Variants in TLK1 observed in about 807,000 individuals in gnomAD.
TLK1 encodes serine/threonine-protein kinase tousled-like 1.
TLK1 carries 24 observed loss-of-function variants against 105.3 expected under a neutral mutation model. That is an observed-to-expected ratio of 0.23 (90% CI 0.17 to 0.32). The LOEUF (loss-of-function observed/expected upper bound fraction) is 0.32, where lower values mean the gene tolerates loss of function less well. TLK1 is among the 10% of genes least tolerant of loss of function. TLK1 has a pLI of 1.00. For synonymous variants in TLK1, 321 were observed against 310.4 expected (o/e 1.03, Z -0.36); for missense variants, 558 against 910.5 (o/e 0.61, Z 4.98).
upstream of TLK1, among the ~76,000 whole-genome samples, chr2:171,165,793 C>A (rs1388851382): frequency 6.6e-6 from 1 of 152,174 alleles, no homozygotes; most frequent in Non-Finnish European, 1.5e-5. Flanking sequence ...CACCTGTAAT[C>A]CCAGCTACTC....
chr2:171,169,570 C>T (rs2105301449), intron 1 of TLK1, among the ~76,000 whole-genome samples: 1 of 152,276 alleles, frequency 6.6e-6, no homozygotes, highest in South Asian at 2.1e-4. Context: ...CCACCAGGCC[C>T]AGTTGAAAAT....
At chr2:171,143,506 C>CAAAAAAAAAAAAAAAAAAAAAAA (rs577555732) in intron 1 of TLK1, among the ~76,000 whole-genome samples, 1 of 44,280 alleles carries the variant, frequency 2.3e-5, no homozygotes, top group Non-Finnish European at 4.1e-5. Flanking sequence ...ACTCTATCTC[C>CAAAAAAAAAAAAAAAAAAAAAAA]AAAAAAAAAA....
intron 3 of TLK1, among the ~76,000 whole-genome samples, chr2:171,074,454 C>T (rs1688405884): frequency 1.3e-5 from 2 of 151,708 alleles, no homozygotes. Flanking sequence ...GTGGTGAAAC[C>T]TTGTCTCTAC....
rs563725437 is a variant in TLK1, at chr2:171,206,050, A to G, written c.-6+25095T>C. On this transcript the variant is annotated intron_variant, in intron 1 of 20. Coordinates refer to the TLK1 transcript ENST00000521943. Reference sequence around the variant, plus strand: ...AAATGAAACTATGTTATATTTTGTTACTGAGATACATGCAAAAAGATTCTT... The same window carrying G: ...AAATGAAACTATGTTATATTTTGTTGCTGAGATACATGCAAAAAGATTCTT... Among the ~76,000 whole-genome samples, 16 of 152,326 alleles carry G rather than the reference A, an allele frequency of 1.1e-4. No individual in the cohort carries two copies. The South Asian group carries it at 3.3e-3, about 32-fold the overall frequency.
chr2:171,215,231 G>A lies in TLK1; in HGVS notation c.-6+15914C>T, dbSNP rs532831434. ...GCTGGGATTACAGGCGTGAGCCGCC[G>A]TGCCCACTCTCTCTCTCAACTCTTT... On this transcript the variant is annotated intron_variant, in intron 1 of 20. Transcript: ENST00000521943. Among the ~76,000 whole-genome samples the A allele has an allele frequency of 1.3e-4, 20 of 152,260 alleles. 1 individual carries two copies. In the East Asian group the frequency reaches 2.9e-3, roughly 22 times the overall value.
chr2:171,006,067 A>AT, intron 18 of TLK1, 80 bp downstream of exon 18: 3 of 1,293,690 alleles, frequency 2.3e-6, no homozygotes, highest in South Asian at 2.1e-5. Flanking sequence ...CTACATGGAA[A>AT]TAAAAAAAAA....
intron 4 of TLK1, among the ~76,000 whole-genome samples, chr2:171,058,469 C>A (rs951476365): frequency 1.3e-5 from 2 of 152,104 alleles, no homozygotes; most frequent in Non-Finnish European, 2.9e-5. Context: ...GTAGCGACTG[C>A]ATCACTGACA....
In TLK1 at chr2:171,124,557, T is replaced by C. The variant is rs10196974; in HGVS notation, c.140-6700A>G. The stretch of plus-strand genomic sequence containing the variant: ...GCTAGTTAAGTCCAAAAGAGCAAAC[T>C]GACTTCACAGTTGACAGTACTGATT... On this transcript the variant is annotated intron_variant, in intron 1 of 20. Coordinates refer to ENST00000431350, the MANE Select transcript of TLK1 (RefSeq NM_012290.5). Among the ~76,000 whole-genome samples the C allele has an allele frequency of 3.4e-3, 521 of 152,328 alleles. 6 individuals carry two copies. Among genetic ancestry groups the C allele is most frequent in the African/African-American group, 0.012 (487 of 41,574 alleles).
rs147806248 is a variant in TLK1 at position 171,208,087 on chromosome 2, C to G, written c.-6+23058G>C. ...CAACTAAATTAACAACCCAGGCTCT[C>G]TAACCTAAATTAGTCTGATTTAGTC... On this transcript the variant is annotated intron_variant, in intron 1 of 20. Transcript: ENST00000521943. 3.4e-3 allele frequency among the ~76,000 whole-genome samples: 513 copies of G among 152,266 alleles called. 1 individual carries two copies. The highest frequency in any genetic ancestry group is 5.9e-3 in the Non-Finnish European group (402 of 68,032).
chr2:171,091,568 A>G (rs777957989), intron 2 of TLK1: 1 of 152,140 alleles, frequency 6.6e-6, no homozygotes, highest in Non-Finnish European at 1.5e-5. Flanking sequence ...GCAACTAGAG[A>G]AATTCTAAGG....
chr2:171,188,029 A>G (rs546043999), intron 1 of TLK1, among the ~76,000 whole-genome samples: 5 of 152,348 alleles, frequency 3.3e-5, no homozygotes, highest in East Asian at 1.9e-4. Context: ...AGGAATCCAC[A>G]TGCATAACAT....
upstream of TLK1, among the ~76,000 whole-genome samples, chr2:171,164,018 G>A (rs372773116): frequency 5.3e-5 from 8 of 152,086 alleles, no homozygotes; most frequent in Non-Finnish European, 8.8e-5. Flanking sequence ...GAGCCACCAC[G>A]TCCACCCTAA....
chr2:171,060,130 C>T, intron 4 of TLK1: 1 of 1,355,838 alleles, frequency 7.4e-7, no homozygotes, highest in Non-Finnish European at 9.8e-7. Flanking sequence ...GGCAACCATC[C>T]TAAAAACAAA....
chr2:171,070,302 G>C (rs1378553577), intron 3 of TLK1, among the ~76,000 whole-genome samples: 1 of 146,852 alleles, frequency 6.8e-6, no homozygotes, highest in Non-Finnish European at 1.5e-5. Context: ...TCCACTTATA[G>C]TTTTTTTTTA....
chr2:171,089,035 C>A (rs752410408), intron 2 of TLK1, among the ~76,000 whole-genome samples: 18 of 152,218 alleles, frequency 1.2e-4, no homozygotes, highest in Admixed American at 2.0e-4. Context: ...ACATGTGCCA[C>A]CATGCCCGGC....
chr2:171,156,477 TA>T (rs1257556314), intron 1 of TLK1, among the ~76,000 whole-genome samples: 1 of 152,238 alleles, frequency 6.6e-6, no homozygotes, highest in Non-Finnish European at 1.5e-5. Context: ...CAATAATTGT[TA>T]AGAGAGTAAA....
intron 1 of TLK1, among the ~76,000 whole-genome samples, chr2:171,223,916 T>C (rs926622349): frequency 2.6e-5 from 4 of 152,154 alleles, no homozygotes; most frequent in Admixed American, 6.5e-5. Flanking sequence ...TTCACTTTGT[T>C]GATTTTTTTC....
intron 18 of TLK1, among the ~76,000 whole-genome samples, chr2:171,002,101 G>A (rs1684406612): frequency 6.6e-6 from 1 of 151,996 alleles, no homozygotes; most frequent in African/African-American, 2.4e-5. Context: ...AATAGCATCT[G>A]GGAACTCTTG....
intron 1 of TLK1, among the ~76,000 whole-genome samples, chr2:171,128,316 C>G (rs538042215): frequency 6.6e-6 from 1 of 152,028 alleles, no homozygotes; most frequent in African/African-American, 2.4e-5. Context: ...CAAAAACATA[C>G]GTAGGTCGAT....
Sources: allele counts gnomAD v4.1 joint callset (sites outside exome capture counted in the v4.1 genomes callset), GRCh38; gene constraint gnomAD v4.1.1; transcripts MANE v1.5; gene names NCBI Gene and HGNC (gene_info 2026-07-23, HGNC 2026-07-21).